The following MBTPS1 variants were observed in gnomAD, a reference collection of about 807,000 sequenced individuals.
The protein encoded by MBTPS1 is membrane bound transcription factor peptidase, site 1, also known as membrane-bound transcription factor site-1 protease.
In MBTPS1, 94 loss-of-function variants were observed where a neutral mutation model predicts 127.8. That is an observed-to-expected ratio of 0.74 (90% confidence interval 0.62 to 0.87). The LOEUF (loss-of-function observed/expected upper bound fraction) is 0.87, where lower values mean the gene tolerates loss of function less well. Ranked by LOEUF, MBTPS1 falls within the 40% of genes least tolerant of loss-of-function variation. MBTPS1 has a pLI of 0.00. For synonymous variants in MBTPS1, 632 were observed against 509.4 expected, an observed-to-expected ratio of 1.24 and a Z score of -3.24; for missense variants, 1,636 against 1,353.2, an observed-to-expected ratio of 1.21 and a Z score of -3.28.
At chr16:84,063,826 G>A (rs1185276126) in intron 18 of MBTPS1, among the ~76,000 whole-genome samples, 1 of 152,106 alleles carries the variant, frequency 6.6e-6, no homozygotes, top group African/African-American at 2.4e-5. Flanking sequence ...ACAAAGGGCA[G>A]CCAGCAGATC....
At chr16:84,106,543 C>T (rs1249901848) in intron 1 of MBTPS1, among the ~76,000 whole-genome samples, 1 of 152,040 alleles carries the variant, frequency 6.6e-6, no homozygotes, top group African/African-American at 2.4e-5. Flanking sequence ...GAAAGAAAGG[C>T]AAAGAGGCCA....
chr16:84,073,816 C>A (rs1312678969), intron 12 of MBTPS1, among the ~76,000 whole-genome samples: 2 of 151,964 alleles, frequency 1.3e-5, no homozygotes, highest in Non-Finnish European at 2.9e-5. Context: ...ACCAGCCTGG[C>A]CAACATGGTG....
At chr16:84,089,904 G>A (rs970385293) in intron 8 of MBTPS1, among the ~76,000 whole-genome samples, 1 of 152,222 alleles carries the variant, frequency 6.6e-6, no homozygotes, top group Admixed American at 6.5e-5. Flanking sequence ...CTGACGAGAT[G>A]ACTTAATAAC....
At chr16:84,080,459 C>A (rs566483093) in intron 11 of MBTPS1, among the ~76,000 whole-genome samples, 9 of 152,354 alleles carry the variant, frequency 5.9e-5, no homozygotes, top group African/African-American at 2.2e-4. Context: ...GAAACACGGG[C>A]TGCACAGTGG....
At chr16:84,078,512 G>C (rs1230766946) in intron 11 of MBTPS1, among the ~76,000 whole-genome samples, 2 of 152,140 alleles carry the variant, frequency 1.3e-5, no homozygotes, top group African/African-American at 4.8e-5. Flanking sequence ...ACCTAACAGA[G>C]CTACCAGACG....
intron 1 of MBTPS1, among the ~76,000 whole-genome samples, chr16:84,115,431 T>C (rs369138547): frequency 6.6e-6 from 1 of 152,228 alleles, no homozygotes; most frequent in Non-Finnish European, 1.5e-5. Flanking sequence ...ATCAACAGTT[T>C]TGCTGTCATC....
chr16:84,060,875 T>C (rs2085600913), intron 19 of MBTPS1, 62 bp from the exon 20 acceptor site: 10 of 1,497,662 alleles, frequency 6.7e-6, no homozygotes, highest in Non-Finnish European at 8.1e-6. Context: ...AGTCACGCTC[T>C]TGTCACCCAG....
intron 11 of MBTPS1, chr16:84,081,407 T>C (rs2085938399): frequency 6.1e-6 from 1 of 163,948 alleles, no homozygotes; most frequent in Non-Finnish European, 1.3e-5. Flanking sequence ...CAGGGGAAAC[T>C]GGGCAACCTT....
chr16:84,098,710 G>A (rs375041233), intron 3 of MBTPS1, among the ~76,000 whole-genome samples: 1 of 152,200 alleles, frequency 6.6e-6, no homozygotes, highest in South Asian at 2.1e-4. Flanking sequence ...TTCAGCACGA[G>A]AAGGCGGCCG....
intron 21 of MBTPS1, chr16:84,056,347 T>C: frequency 2.0e-6 from 1 of 503,088 alleles, no homozygotes; most frequent in Admixed American, 3.4e-5. Context: ...ATCAAGTCCC[T>C]GTTCATGAGA....
In MBTPS1 at chr16:84,095,813, C is replaced by T. The variant is rs775371396; in HGVS notation, c.422-8G>A. 6.2e-7 allele frequency: 1 copy of T among 1,611,596 alleles called. No individual in the cohort carries two copies. The highest frequency in any genetic ancestry group is 2.2e-5 in the East Asian group (1 of 44,844). ...AGGGTACTGTGGGGTCAGCTACAGG[C>T]AAGGGAGAGAAAGATCAGAACAGAA... On this transcript the variant is annotated splice_region_variant and splice_polypyrimidine_tract_variant and intron_variant, in intron 3 of 22. Transcript: ENST00000343411.
intron 1 of MBTPS1, among the ~76,000 whole-genome samples, chr16:84,114,277 G>C (rs559637707): frequency 1.3e-5 from 2 of 152,042 alleles, no homozygotes; most frequent in East Asian, 3.9e-4. Flanking sequence ...GGTGTATTCG[G>C]GTGTATTCTT....
At chr16:84,058,313 C>G (rs1174521436) in intron 21 of MBTPS1, among the ~76,000 whole-genome samples, 1 of 152,364 alleles carries the variant, frequency 6.6e-6, no homozygotes, top group African/African-American at 2.4e-5. Context: ...CTCCTCTTCG[C>G]CTTACAGGAC....
intron 8 of MBTPS1, among the ~76,000 whole-genome samples, chr16:84,090,147 GT>G (rs199883980): frequency 0.017 from 2,627 of 152,254 alleles, 47 homozygotes; most frequent in Non-Finnish European, 0.024. Context: ...CCCTGGATTT[GT>G]GTAAAGCATC....
At chr16:84,073,505 A>G (rs1437989636) in intron 12 of MBTPS1, among the ~76,000 whole-genome samples, 2 of 152,208 alleles carry the variant, frequency 1.3e-5, no homozygotes, top group Non-Finnish European at 2.9e-5. Context: ...GTGCACAATG[A>G]TAACAAAAAA....
In MBTPS1 at chr16:84,055,947, C is replaced by T. The variant is rs112204016; in HGVS notation, c.2962+58G>A. 2.6e-6 allele frequency: 4 copies of T among 1,568,022 alleles called. No homozygotes were observed. In the African/African-American group the frequency reaches 4.1e-5, roughly 16 times the overall value. On this transcript the variant is annotated intron_variant, in intron 22 of 22. Coordinates refer to ENST00000343411, the MANE Select transcript of MBTPS1 (RefSeq NM_003791.4). ...CCCGCCTCCTGGGGAGGGAGGGAGA[C>T]TCCTTTGAACAAAATACAGGATGAC...
At chr16:84,076,013 T>C (rs898368679) in intron 11 of MBTPS1, among the ~76,000 whole-genome samples, 4 of 152,232 alleles carry the variant, frequency 2.6e-5, no homozygotes, top group African/African-American at 9.6e-5. Flanking sequence ...ATTCGACTAC[T>C]AATTCAACAT....
At chr16:84,107,223 T>G (rs1022761852) in intron 1 of MBTPS1, among the ~76,000 whole-genome samples, 2 of 152,158 alleles carry the variant, frequency 1.3e-5, no homozygotes, top group African/African-American at 4.8e-5. Flanking sequence ...ACTAGCTTAG[T>G]AACTGGCCCC....
At chr16:84,073,678 A>G (rs1212764108) in intron 12 of MBTPS1, among the ~76,000 whole-genome samples, 1 of 150,608 alleles carries the variant, frequency 6.6e-6, no homozygotes, top group Non-Finnish European at 1.5e-5. Context: ...AACAATATTA[A>G]AAAAAAAAGA....
Sources: gnomAD v4.1 joint callset for allele counts (sites outside exome capture counted in the v4.1 genomes callset) on GRCh38, gnomAD v4.1.1 for gene constraint, MANE v1.5 for transcripts, NCBI Gene and HGNC (gene_info 2026-07-23, HGNC 2026-07-21) for gene names.